Variants in PRKN observed in about 807,000 individuals in gnomAD.
PRKN encodes the protein E3 ubiquitin-protein ligase parkin.
Under a neutral mutation model 59.5 loss-of-function variants are expected in PRKN, and 56 were observed. The observed-to-expected ratio is 0.94, with a 90% CI of 0.76 to 1.18. PRKN has a LOEUF of 1.18. Ranked by LOEUF, PRKN falls within the 50% of genes most tolerant of loss-of-function variation. PRKN has a pLI of 0.00. For synonymous variants in PRKN, 250 were observed against 222.1 expected (o/e 1.13, Z -1.12); for missense variants, 657 against 596.4 (o/e 1.10, Z -1.06).
chr6:162,285,496 G>A (rs1471679575), intron 2 of PRKN, among the ~76,000 whole-genome samples: 1 of 152,016 alleles, frequency 6.6e-6, no homozygotes, highest in Non-Finnish European at 1.5e-5. Context: ...TTGAAAATAA[G>A]GGGAAATAAG....
At chr6:162,226,378 T>A (rs1162349781) in intron 3 of PRKN, among the ~76,000 whole-genome samples, 1 of 152,066 alleles carries the variant, frequency 6.6e-6, no homozygotes, top group Non-Finnish European at 1.5e-5. Context: ...CTAGGGCTCC[T>A]CCTTCCACAA....
At position 161,432,832 on chromosome 6, in the gene PRKN, C is replaced by T. The variant is rs557671592; in HGVS notation, c.1084-45955G>A. ...TCAAGAGATGCTTTACTGGCAAAGG[C>T]GTATTGAAAATAACAATATTTAATA... On this transcript the variant is annotated intron_variant, in intron 9 of 11. Coordinates refer to ENST00000366898, the MANE Select transcript of PRKN (RefSeq NM_004562.3). 1.1e-3 allele frequency among the ~76,000 whole-genome samples: 164 copies of T among 152,118 alleles called. 2 individuals are homozygous for T. Among genetic ancestry groups the T allele is most frequent in the African/African-American group, 3.7e-3 (154 of 41,474 alleles).
At chr6:162,501,293 G>T (rs1216396763) in intron 1 of PRKN, among the ~76,000 whole-genome samples, 1 of 151,850 alleles carries the variant, frequency 6.6e-6, no homozygotes, top group Non-Finnish European at 1.5e-5. Context: ...TTCACTTCAG[G>T]CCAGGCCTCG....
chr6:162,048,806 C>T (rs1364869594), intron 5 of PRKN, among the ~76,000 whole-genome samples: 12 of 151,206 alleles, frequency 7.9e-5, no homozygotes, highest in Admixed American at 4.6e-4. Flanking sequence ...CATACGGTGC[C>T]GTGGGTTGAA....
At chr6:162,014,119 G>T (rs1274561488) in intron 5 of PRKN, among the ~76,000 whole-genome samples, 1 of 151,998 alleles carries the variant, frequency 6.6e-6, no homozygotes, top group Non-Finnish European at 1.5e-5. Flanking sequence ...CCCCCCATCG[G>T]GAAATTTATC....
Position 162,612,061 on chromosome 6 carries a change from C to T in PRKN, c.7+115601G>A, listed in dbSNP as rs567916952. ...AAAAAAAATTAGCTGGGCGTGGTGG[C>T]GGGCGCCTGTAGTCCCAGCTACTCG... On this transcript the variant is annotated intron_variant, in intron 1 of 11. Coordinates refer to ENST00000366898, the MANE Select transcript of PRKN (RefSeq NM_004562.3). Among the ~76,000 whole-genome samples, 112 of 150,824 alleles carry T rather than the reference C, an allele frequency of 7.4e-4. 1 individual carries two copies. The highest frequency in any genetic ancestry group is 4.6e-3 in the South Asian group (22 of 4,768).
At chr6:162,136,965 T>C (rs1429060729) in intron 4 of PRKN, among the ~76,000 whole-genome samples, 1 of 151,780 alleles carries the variant, frequency 6.6e-6, no homozygotes, top group Non-Finnish European at 1.5e-5. Context: ...TTAAAAATAA[T>C]TAAATATAAT....
At chr6:162,057,604 T>C (rs1562487861) in intron 4 of PRKN, among the ~76,000 whole-genome samples, 1 of 152,230 alleles carries the variant, frequency 6.6e-6, no homozygotes, top group African/African-American at 2.4e-5. Context: ...TCAGTGGAGA[T>C]AAATGTGGCT....
chr6:162,623,770 A>T (rs1288469972), intron 1 of PRKN, among the ~76,000 whole-genome samples: 1 of 152,178 alleles, frequency 6.6e-6, no homozygotes, highest in Admixed American at 6.5e-5. Context: ...GTGATTTTAA[A>T]AATTTTGGTA....
chr6:162,687,564 T>G (rs767015079), intron 1 of PRKN, among the ~76,000 whole-genome samples: 8 of 152,156 alleles, frequency 5.3e-5, no homozygotes, highest in Non-Finnish European at 1.0e-4. Context: ...TGGCCATGCT[T>G]CTTCTTAACA....
At chr6:162,018,513 T>A (rs1050284347) in intron 5 of PRKN, among the ~76,000 whole-genome samples, 1 of 152,182 alleles carries the variant, frequency 6.6e-6, no homozygotes, top group Non-Finnish European at 1.5e-5. Context: ...AAAGCATGTT[T>A]TTATTATTTT....
chr6:162,586,919 G>A (rs1781084928), intron 1 of PRKN, among the ~76,000 whole-genome samples: 1 of 152,132 alleles, frequency 6.6e-6, no homozygotes, highest in African/African-American at 2.4e-5. Context: ...GATAGGCACT[G>A]TGGCAGGTCC....
At chr6:162,155,088 A>G (rs1394061548) in intron 4 of PRKN, among the ~76,000 whole-genome samples, 1 of 110,030 alleles carries the variant, frequency 9.1e-6, no homozygotes, top group African/African-American at 3.5e-5. Flanking sequence ...TCAAAGATGG[A>G]AAAAAAATAA....
rs1188938020 is a variant in PRKN at position 161,362,517 on chromosome 6, G to GC, written c.1168-2313dup. Among the ~76,000 whole-genome samples the GC allele has an allele frequency of 6.6e-6, 1 of 152,178 alleles. No individual in the cohort carries two copies. Among genetic ancestry groups the GC allele is most frequent in the Non-Finnish European group, 1.5e-5 (1 of 68,038 alleles). On this transcript the variant is annotated intron_variant, in intron 10 of 11. Coordinates refer to ENST00000366898, the MANE Select transcript of PRKN (RefSeq NM_004562.3). This position sits in a 1 kb window ranked among gnomAD's most constrained non-coding sequence, Gnocchi z 5.2. ...CTCAGTGGAGGAAGCCAGGGCAAAA[G>GC]CCCGCCCTGAAGAGATAATTGACAG... is the stretch of plus-strand genomic sequence containing the variant.
In PRKN at chr6:161,499,206, G is replaced by A. The variant is rs897762102; in HGVS notation, c.1083+49648C>T. 3.7e-4 allele frequency among the ~76,000 whole-genome samples: 56 copies of A among 150,868 alleles called. No homozygotes were observed. The highest frequency in any genetic ancestry group is 1.2e-3 in the African/African-American group (51 of 40,940). Reference sequence around the variant, plus strand: ...AACATTTACAGATTGGGAGATCAACGTAAAAGATGCATCCTAAACTTCCCT... The same window carrying A: ...AACATTTACAGATTGGGAGATCAACATAAAAGATGCATCCTAAACTTCCCT... On this transcript the variant is annotated intron_variant, in intron 9 of 11. Transcript: ENST00000366898. This position sits in a 1 kb window ranked among gnomAD's most constrained non-coding sequence, Gnocchi z 4.2.
intron 9 of PRKN, among the ~76,000 whole-genome samples, chr6:161,415,242 A>G (rs964805888): frequency 6.6e-6 from 1 of 152,122 alleles, no homozygotes; most frequent in African/African-American, 2.4e-5. Context: ...TCATGCAGAG[A>G]GGCCTCCCCA....
chr6:161,481,265 C>T (rs1264845035), intron 9 of PRKN, among the ~76,000 whole-genome samples: 1 of 152,156 alleles, frequency 6.6e-6, no homozygotes, highest in Admixed American at 6.5e-5. Flanking sequence ...ACATATCCTA[C>T]CTCTGTACCC....
rs111162630 is a variant in PRKN at position 161,412,545 on chromosome 6, C to A, written c.1084-25668G>T. The stretch of plus-strand genomic sequence containing the variant: ...TTCCTCACTCGTTCCTCCACTCACT[C>A]ATTCCTTCCTCACTCATTCCTCCGC... On this transcript the variant is annotated intron_variant, in intron 9 of 11. Transcript: ENST00000366898. Among the ~76,000 whole-genome samples, 1,377 of 151,496 alleles carry A rather than the reference C, an allele frequency of 9.1e-3. 22 individuals carry two copies. The highest frequency in any genetic ancestry group is 0.031 in the African/African-American group (1,285 of 41,138).
chr6:162,574,517 T>A (rs1780479560), intron 1 of PRKN, among the ~76,000 whole-genome samples: 1 of 152,204 alleles, frequency 6.6e-6, no homozygotes, highest in Admixed American at 6.5e-5. Flanking sequence ...TACTGATGGA[T>A]CTTCACATTG....
Sources: allele counts gnomAD v4.1 joint callset (sites outside exome capture counted in the v4.1 genomes callset), GRCh38; gene constraint gnomAD v4.1.1; non-coding constraint Gnocchi (gnomAD v3.1); transcripts MANE v1.5; gene names NCBI Gene and HGNC (gene_info 2026-07-23, HGNC 2026-07-21).